SUPT3H: variants seen among roughly 807,000 people sequenced by gnomAD.
SUPT3H encodes transcription initiation protein SPT3 homolog.
Under a neutral mutation model 44.3 loss-of-function variants are expected in SUPT3H, and 44 were observed. The observed-to-expected ratio is 0.99, with a 90% CI of 0.78 to 1.28. SUPT3H has a LOEUF of 1.28. Ranked by LOEUF, SUPT3H falls within the 50% of genes most tolerant of loss-of-function variation. SUPT3H has a pLI of 0.00. For missense variants in SUPT3H, 380 were observed against 387.1 expected, an observed-to-expected ratio of 0.98 and a Z score of 0.15; for synonymous variants, 124 against 125.6, an observed-to-expected ratio of 0.99 and a Z score of 0.09.
At chr6:45,287,366 C>T (rs558560675) in intron 2 of SUPT3H, among the ~76,000 whole-genome samples, 2 of 152,154 alleles carry the variant, frequency 1.3e-5, no homozygotes, top group East Asian at 3.8e-4. Context: ...ATCCAACTGT[C>T]CCTCAGCAGA....
intron 10 of SUPT3H, among the ~76,000 whole-genome samples, chr6:44,928,413 G>A (rs546763064): frequency 2.0e-4 from 30 of 152,212 alleles, no homozygotes; most frequent in African/African-American, 7.0e-4. Context: ...AGTGAGGTAC[G>A]GTGGGCACAG....
chr6:45,049,380 A>G (rs564799123), intron 3 of SUPT3H, among the ~76,000 whole-genome samples: 3 of 152,286 alleles, frequency 2.0e-5, no homozygotes, highest in Admixed American at 1.3e-4. Flanking sequence ...CACAAGTTAC[A>G]CTCATTCACA....
intron 10 of SUPT3H, among the ~76,000 whole-genome samples, chr6:44,900,769 C>G (rs1764881586): frequency 6.6e-6 from 1 of 152,278 alleles, no homozygotes; most frequent in South Asian, 2.1e-4. Flanking sequence ...GGGAGGCACC[C>G]CCTAGCAGGG....
intron 2 of SUPT3H, among the ~76,000 whole-genome samples, chr6:45,298,985 G>A (rs565675123): frequency 9.2e-4 from 140 of 152,060 alleles, no homozygotes; most frequent in South Asian, 1.0e-3. Flanking sequence ...TATCCTTGAC[G>A]AAAAACCATA....
chr6:45,129,784 A>G (rs1423820697), intron 2 of SUPT3H, among the ~76,000 whole-genome samples: 1 of 152,120 alleles, frequency 6.6e-6, no homozygotes, highest in Non-Finnish European at 1.5e-5. Flanking sequence ...CCATCAATCA[A>G]TCAATTGGAT....
In SUPT3H at chr6:45,000,349, C is replaced by T. The variant is rs59598064; in HGVS notation, c.504+3304G>A. ...CATTTTATTTTCCTTTTCCTTATAA[C>T]TGAAATAAATCATGATAGGTAGAAA... is the stretch of plus-strand genomic sequence containing the variant. On this transcript the variant is annotated intron_variant, in intron 6 of 10. Transcript: ENST00000371459. Among the ~76,000 whole-genome samples, 926 of 151,974 alleles carry T rather than the reference C, an allele frequency of 6.1e-3. 14 individuals are homozygous for T. The highest frequency in any genetic ancestry group is 0.021 in the African/African-American group (884 of 41,454).
chr6:44,962,593 T>A (rs1393130632), intron 6 of SUPT3H, among the ~76,000 whole-genome samples: 1 of 146,810 alleles, frequency 6.8e-6, no homozygotes, highest in Non-Finnish European at 1.5e-5. Flanking sequence ...TTTTTTTTTC[T>A]GTTGTGGAAG....
At chr6:45,352,715 TA>T (rs1426743146) in intron 2 of SUPT3H, among the ~76,000 whole-genome samples, 2 of 152,042 alleles carry the variant, frequency 1.3e-5, no homozygotes, top group African/African-American at 4.8e-5. Flanking sequence ...ACTGTAGAAA[TA>T]ATTTCTTTAA....
intron 2 of SUPT3H, among the ~76,000 whole-genome samples, chr6:45,153,585 T>C (rs751677911): frequency 1.3e-5 from 2 of 152,160 alleles, no homozygotes; most frequent in African/African-American, 4.8e-5. Context: ...CAAAAGATAA[T>C]GTTGGCTGGG....
chr6:45,332,210 T>G (rs1434834972), intron 2 of SUPT3H, among the ~76,000 whole-genome samples: 3 of 151,880 alleles, frequency 2.0e-5, no homozygotes, highest in Non-Finnish European at 2.9e-5. Flanking sequence ...AACTTTTTTT[T>G]TCAACAAATA....
intron 3 of SUPT3H, among the ~76,000 whole-genome samples, chr6:45,038,048 T>C (rs1787950867): frequency 6.6e-6 from 1 of 152,176 alleles, no homozygotes; most frequent in Non-Finnish European, 1.5e-5. Context: ...TCTGAAATTA[T>C]ACGTAAAATG....
chr6:45,086,199 A>T (rs904594289), intron 3 of SUPT3H, among the ~76,000 whole-genome samples: 1 of 152,032 alleles, frequency 6.6e-6, no homozygotes, highest in Non-Finnish European at 1.5e-5. Flanking sequence ...AAAATGAACA[A>T]ATTTCATTAT....
intron 2 of SUPT3H, among the ~76,000 whole-genome samples, chr6:45,213,544 A>C (rs997576047): frequency 1.3e-5 from 2 of 152,162 alleles, no homozygotes; most frequent in Admixed American, 1.3e-4. Context: ...TGTTGGAGAA[A>C]CAAATATTTA....
chr6:45,078,776 C>T (rs1795359389), intron 3 of SUPT3H, among the ~76,000 whole-genome samples: 1 of 152,168 alleles, frequency 6.6e-6, no homozygotes, highest in South Asian at 2.1e-4. Flanking sequence ...ACCTCATTCT[C>T]TTCTGGCCTA....
chr6:45,004,822 C>T (rs182812729), intron 5 of SUPT3H, among the ~76,000 whole-genome samples: 4 of 152,216 alleles, frequency 2.6e-5, no homozygotes, highest in East Asian at 1.9e-4. Flanking sequence ...CATGTTTCTT[C>T]GTCAATTAGG....
chr6:45,187,481 G>A (rs2153616577), intron 2 of SUPT3H, among the ~76,000 whole-genome samples: 1 of 151,708 alleles, frequency 6.6e-6, no homozygotes, highest in East Asian at 1.9e-4. Flanking sequence ...CCTTACGAGG[G>A]CTGTGTGCCA....
chr6:44,940,921 C>T (rs537417391), intron 9 of SUPT3H, among the ~76,000 whole-genome samples: 1 of 152,210 alleles, frequency 6.6e-6, no homozygotes, highest in South Asian at 2.1e-4. Context: ...TCTTTTTCCT[C>T]CCTTTCACTT....
rs532913050 is a variant in SUPT3H at position 45,037,459 on chromosome 6, C to T, written c.187-16827G>A. ...GTCAGGAGTTAGAGACCAGCCTGGC[C>T]GATATGGTGAAACCCTGTCTCTACT... On this transcript the variant is annotated intron_variant, in intron 3 of 10. Transcript: ENST00000371459. 7.4e-5 allele frequency among the ~76,000 whole-genome samples: 11 copies of T among 148,494 alleles called. 1 individual carries two copies. In the East Asian group the frequency reaches 9.9e-4, roughly 13 times the overall value.
At chr6:45,099,232 G>T in intron 3 of SUPT3H, 1 of 201,942 alleles carries the variant, frequency 5.0e-6, no homozygotes, top group South Asian at 8.6e-5. Flanking sequence ...CTCAGAGGAT[G>T]GGAGCTCATG....
Sources: gnomAD v4.1 joint callset for allele counts (sites outside exome capture counted in the v4.1 genomes callset) on GRCh38, gnomAD v4.1.1 for gene constraint, MANE v1.5 for transcripts, NCBI Gene and HGNC (gene_info 2026-07-23, HGNC 2026-07-21) for gene names.